MYT1L: variants seen among roughly 807,000 people sequenced by gnomAD.
MYT1L encodes the protein myelin transcription factor 1 like.
Under a neutral mutation model 126.7 loss-of-function variants are expected in MYT1L, and 12 were observed. The observed-to-expected ratio is 0.09, with a 90% CI of 0.06 to 0.15. MYT1L has a LOEUF of 0.15. Among genes scored for constraint, MYT1L ranks in the 10% least tolerant of loss-of-function variants. The probability of loss-of-function intolerance (pLI) is 1.00; values close to 1 mark genes in which losing one functional copy is unlikely to be tolerated. For missense variants in MYT1L, 979 were observed against 1,585.2 expected, an observed-to-expected ratio of 0.62 and a Z score of 6.49; for synonymous variants, 541 against 604.2, an observed-to-expected ratio of 0.90 and a Z score of 1.53.
At chr2:1,944,662 T>C (rs552414559) in intron 8 of MYT1L, among the ~76,000 whole-genome samples, 1 of 152,248 alleles carries the variant, frequency 6.6e-6, no homozygotes, top group Middle Eastern at 3.4e-3. Flanking sequence ...ACTCCTCTAT[T>C]TTGGGTCATG....
intron 11 of MYT1L, among the ~76,000 whole-genome samples, chr2:1,914,132 T>C (rs2052469529): frequency 6.6e-6 from 1 of 152,020 alleles, no homozygotes; most frequent in Admixed American, 6.6e-5. Context: ...CATGCACCTG[T>C]AATCCCAGCT....
intron 2 of MYT1L, among the ~76,000 whole-genome samples, chr2:2,216,553 C>A (rs979139335): frequency 1.1e-4 from 17 of 151,930 alleles, no homozygotes; most frequent in African/African-American, 4.1e-4. Context: ...ACATTAAATG[C>A]GTATATCAGA....
intron 2 of MYT1L, among the ~76,000 whole-genome samples, chr2:2,209,894 G>T (rs1400880872): frequency 6.6e-6 from 1 of 152,132 alleles, no homozygotes; most frequent in African/African-American, 2.4e-5. Context: ...CATAGTGGTT[G>T]TACTAATTTA....
rs1302286118 is a variant in MYT1L at position 2,228,043 on chromosome 2, A to G, written c.-420-55055T>C. 2.0e-5 allele frequency among the ~76,000 whole-genome samples: 3 copies of G among 152,232 alleles called. No individual in the cohort carries two copies. Among genetic ancestry groups the G allele is most frequent in the African/African-American group, 7.2e-5 (3 of 41,478 alleles). On this transcript the variant is annotated intron_variant, in intron 2 of 24. Coordinates refer to ENST00000647738, the MANE Select transcript of MYT1L (RefSeq NM_001303052.2). This position sits in a 1 kb window ranked among gnomAD's most constrained non-coding sequence, Gnocchi z 5.9. ...TTAACTAAATTGCCCAATGTCAAGT[A>G]GCTCATAACGGCTAGTAAATGCCTA...
intron 2 of MYT1L, among the ~76,000 whole-genome samples, chr2:2,279,674 A>G (rs1450611456): frequency 6.6e-6 from 1 of 152,162 alleles, no homozygotes; most frequent in Non-Finnish European, 1.5e-5. Context: ...TTTCCCTATC[A>G]GTTCAGCTTT....
At chr2:2,217,864 C>A (rs1159985695) in intron 2 of MYT1L, among the ~76,000 whole-genome samples, 2 of 152,082 alleles carry the variant, frequency 1.3e-5, no homozygotes, top group African/African-American at 4.8e-5. Context: ...GCTCTCGAAA[C>A]TTAATGATAA....
intron 18 of MYT1L, among the ~76,000 whole-genome samples, chr2:1,877,655 T>G (rs2047076615): frequency 6.6e-6 from 1 of 152,188 alleles, no homozygotes. Context: ...GGGACCTGGC[T>G]GCTCGCACGC....
At chr2:2,179,019 G>A (rs2091127642) in intron 2 of MYT1L, among the ~76,000 whole-genome samples, 1 of 151,610 alleles carries the variant, frequency 6.6e-6, no homozygotes, top group South Asian at 2.1e-4. Context: ...TAACCAAAGA[G>A]CAGTAACTGG....
chr2:2,078,246 A>G (rs1192994013), intron 3 of MYT1L, among the ~76,000 whole-genome samples: 1 of 152,222 alleles, frequency 6.6e-6, no homozygotes, highest in Non-Finnish European at 1.5e-5. Context: ...ATTTTTAACA[A>G]GAATATGGCA....
intron 4 of MYT1L, among the ~76,000 whole-genome samples, chr2:2,016,787 G>A (rs1279185809): frequency 2.0e-5 from 3 of 152,190 alleles, no homozygotes; most frequent in Admixed American, 6.5e-5. Flanking sequence ...GTGAAGACAC[G>A]AAACCACATA....
chr2:2,257,955 A>G (rs1206264672), intron 2 of MYT1L, among the ~76,000 whole-genome samples: 1 of 133,762 alleles, frequency 7.5e-6, no homozygotes, highest in Non-Finnish European at 1.5e-5. Flanking sequence ...AGCCAAAAGA[A>G]CAAAGCTGGA....
At chr2:2,273,990 T>C (rs2149358258) in intron 2 of MYT1L, among the ~76,000 whole-genome samples, 1 of 152,098 alleles carries the variant, frequency 6.6e-6, no homozygotes, top group East Asian at 1.9e-4. Flanking sequence ...CAAATGAATA[T>C]AGAGAACTGA....
chr2:2,192,375 CTT>C (rs1464130430), intron 2 of MYT1L, among the ~76,000 whole-genome samples: 1 of 150,882 alleles, frequency 6.6e-6, no homozygotes, highest in Non-Finnish European at 1.5e-5. Context: ...AGCTTTGCTT[CTT>C]TTTTCTTTAT....
Position 1,887,356 on chromosome 2 carries a change from A to T in MYT1L, c.2642+132T>A. The T allele has an allele frequency of 8.5e-7, 1 of 1,181,280 alleles. No homozygotes were observed. The highest frequency in any genetic ancestry group is 1.2e-6 in the Non-Finnish European group (1 of 821,478). 73.2% of individuals were successfully genotyped at this position (1,181,280 alleles called of 1,614,324 possible). On this transcript the variant is annotated intron_variant, in intron 17 of 24. Coordinates refer to ENST00000647738, the MANE Select transcript of MYT1L (RefSeq NM_001303052.2). The surrounding 1 kb of genome is among the most constrained non-coding windows in gnomAD (Gnocchi z 4.8). ...TAGCTGCTCACTCTACTGACCCAGC[A>T]GTCGGAAACATTTATATGCTGCGAA...
intron 3 of MYT1L, among the ~76,000 whole-genome samples, chr2:2,145,648 C>T (rs2084764912): frequency 2.0e-5 from 3 of 151,662 alleles, no homozygotes; most frequent in Admixed American, 6.6e-5. Flanking sequence ...ACAAGACACA[C>T]ACACACACAC....
intron 18 of MYT1L, among the ~76,000 whole-genome samples, chr2:1,861,084 T>C (rs1190019137): frequency 2.0e-5 from 3 of 152,102 alleles, no homozygotes; most frequent in Non-Finnish European, 2.9e-5. Context: ...AGCTCAGATA[T>C]TGTTTTTTAA....
chr2:1,901,516 T>A (rs1358892549), intron 14 of MYT1L, among the ~76,000 whole-genome samples: 3 of 152,214 alleles, frequency 2.0e-5, no homozygotes, highest in Non-Finnish European at 4.4e-5. Context: ...TCCATTTATG[T>A]CTGTTTCTGA....
At chr2:2,091,109 C>G (rs1395512493) in intron 3 of MYT1L, among the ~76,000 whole-genome samples, 2 of 152,206 alleles carry the variant, frequency 1.3e-5, no homozygotes, top group Non-Finnish European at 2.9e-5. Context: ...TCATGAATCA[C>G]CAATTGTGAA....
At chr2:2,003,702 G>A (rs576768843) in intron 4 of MYT1L, among the ~76,000 whole-genome samples, 18 of 152,312 alleles carry the variant, frequency 1.2e-4, no homozygotes, top group Admixed American at 3.3e-4. Flanking sequence ...CTGGTGTGGG[G>A]CCCATGGGTG....
Sources: gnomAD v4.1 joint callset for allele counts (sites outside exome capture counted in the v4.1 genomes callset) on GRCh38, gnomAD v4.1.1 for gene constraint, Gnocchi (gnomAD v3.1) non-coding constraint, MANE v1.5 for transcripts, NCBI Gene and HGNC (gene_info 2026-07-23, HGNC 2026-07-21) for gene names.